The following GFRA1 variants were observed in gnomAD, a reference collection of about 807,000 sequenced individuals.
GFRA1 encodes the protein GDNF family receptor alpha 1, also known as GDNF family receptor alpha-1.
A neutral mutation model predicts 51.6 loss-of-function variants in GFRA1; 16 were observed. That is an observed-to-expected ratio of 0.31 (90% CI 0.21 to 0.47). The LOEUF (loss-of-function observed/expected upper bound fraction) is 0.47, where lower values mean the gene tolerates loss of function less well. Ranked by LOEUF, GFRA1 falls within the 20% of genes least tolerant of loss-of-function variation. GFRA1 has a pLI of 1.00. For synonymous variants in GFRA1, 270 were observed against 241.3 expected, an observed-to-expected ratio of 1.12 and a Z score of -1.10; for missense variants, 530 against 594.3, an observed-to-expected ratio of 0.89 and a Z score of 1.13.
intron 9 of GFRA1, among the ~76,000 whole-genome samples, chr10:116,073,440 T>C (rs1955489629): frequency 6.6e-6 from 1 of 152,198 alleles, no homozygotes; most frequent in Admixed American, 6.5e-5. Context: ...ATTAGCAAAA[T>C]ATTCAGACAA....
intron 4 of GFRA1, among the ~76,000 whole-genome samples, chr10:116,216,754 G>A (rs1012800252): frequency 6.6e-6 from 1 of 152,150 alleles, no homozygotes; most frequent in Non-Finnish European, 1.5e-5. Context: ...TTGAGCTACA[G>A]AAAGAAAATT....
chr10:116,100,971 A>G (rs1024520034), intron 6 of GFRA1, among the ~76,000 whole-genome samples: 2 of 152,150 alleles, frequency 1.3e-5, no homozygotes, highest in Non-Finnish European at 2.9e-5. Flanking sequence ...ATGGGGGAGG[A>G]CAGGTTTACC....
chr10:116,207,585 T>TA (rs1964876233), intron 5 of GFRA1, among the ~76,000 whole-genome samples: 1 of 151,892 alleles, frequency 6.6e-6, no homozygotes, highest in Admixed American at 6.6e-5. Context: ...CTCTGCATCG[T>TA]ACTCAGCTGA....
At chr10:116,087,279 AG>A (rs5788132) in intron 9 of GFRA1, among the ~76,000 whole-genome samples, 152,157 of 152,158 alleles carry the variant, frequency 1, 76,078 homozygotes, top group Middle Eastern at 1. Flanking sequence ...CGGGGGGCGG[AG>A]GGACAGGGGG....
At chr10:116,206,938 C>T (rs1964823780) in intron 5 of GFRA1, among the ~76,000 whole-genome samples, 1 of 152,142 alleles carries the variant, frequency 6.6e-6, no homozygotes, top group East Asian at 1.9e-4. Flanking sequence ...GGCCTGAAAC[C>T]ACATTCTTTT....
rs3032041 is a variant in GFRA1, at chr10:116,251,963, C to CTTTTTTTTTT, written c.418+17530_418+17539dup. On this transcript the variant is annotated intron_variant, in intron 4 of 10. Coordinates refer to ENST00000355422, the MANE Select transcript of GFRA1 (RefSeq NM_005264.8). Reference sequence around the variant, plus strand: ...AGAGGACACAGACAACAATAGGCCTCTTTTTTTTTTTTTTTTTTTTTTTTT... The same window carrying CTTTTTTTTTT: ...AGAGGACACAGACAACAATAGGCCTCTTTTTTTTTTTTTTTTTTTTTTTTTTTTTTTTTTT... Among the ~76,000 whole-genome samples the CTTTTTTTTTT allele has an allele frequency of 1.4e-4, 11 of 79,800 alleles. 1 individual carries two copies. Among genetic ancestry groups the CTTTTTTTTTT allele is most frequent in the Non-Finnish European group, 2.3e-4 (10 of 43,116 alleles). 52.4% of individuals were successfully genotyped at this position (79,800 alleles called of 152,430 possible). A position where few individuals can be genotyped will look rare whatever the true frequency, so the allele number is the denominator to read the frequency against.
chr10:116,196,638 AC>A (rs1963839457), intron 5 of GFRA1, among the ~76,000 whole-genome samples: 2 of 10,646 alleles, frequency 1.9e-4, no homozygotes, highest in Admixed American at 5.7e-3. Context: ...AATATATAGT[AC>A]TATATATAAT....
rs1954804912 is a variant in GFRA1 at position 116,061,284 on chromosome 10, C to G, written c.*3114G>C. 6.7e-6 allele frequency: 1 copy of G among 150,320 alleles called. No individual in the cohort carries two copies. Among genetic ancestry groups the G allele is most frequent in the African/African-American group, 2.5e-5 (1 of 40,776 alleles). 9.3% of individuals were successfully genotyped at this position (150,320 alleles called of 1,614,324 possible). On this transcript the variant is annotated 3_prime_UTR_variant, in exon 11 of 11. Transcript: ENST00000355422. ...AAAGAAATGGAAACCACACTCCTATCACATTCTAGATCGTTTGCTATACTT... is the reference window on the plus strand; with the variant it reads ...AAAGAAATGGAAACCACACTCCTATGACATTCTAGATCGTTTGCTATACTT...
chr10:116,196,611 CTA>C (rs1327808700), intron 5 of GFRA1, among the ~76,000 whole-genome samples: 5 of 20,672 alleles, frequency 2.4e-4, no homozygotes, highest in African/African-American at 4.9e-4. Context: ...ATATATAGTA[CTA>C]TATATAATAT....
At chr10:116,096,236 G>A (rs991964830) in intron 7 of GFRA1, among the ~76,000 whole-genome samples, 3 of 152,124 alleles carry the variant, frequency 2.0e-5, no homozygotes, top group African/African-American at 7.2e-5. Context: ...TTTCTGGGAA[G>A]CAGCCTTTTT....
chr10:116,260,286 G>A (rs920956796), intron 4 of GFRA1, among the ~76,000 whole-genome samples: 28 of 152,168 alleles, frequency 1.8e-4, no homozygotes, highest in African/African-American at 6.5e-4. Flanking sequence ...ACTGAAACAC[G>A]TGTCAAGGAA....
At chr10:116,262,374 T>C (rs1431156710) in intron 4 of GFRA1, among the ~76,000 whole-genome samples, 1 of 152,226 alleles carries the variant, frequency 6.6e-6, no homozygotes, top group Non-Finnish European at 1.5e-5. Flanking sequence ...CTTCTTGAGG[T>C]TGACATTTAA....
rs114457053 is a variant in GFRA1, at chr10:116,161,707, G to T, written c.434-36150C>A. On this transcript the variant is annotated intron_variant, in intron 5 of 10. Transcript: ENST00000355422. ...TCTCTTGCTTGCCGCCATGGAAGAC[G>T]TCCCTTTGTTCTTCCTTCATCTGCC... Among the ~76,000 whole-genome samples, 1,054 of 152,270 alleles carry T rather than the reference G, an allele frequency of 6.9e-3. 19 individuals are homozygous for T. Among genetic ancestry groups the T allele is most frequent in the African/African-American group, 0.024 (995 of 41,548 alleles).
rs150379582 is a variant in GFRA1 at position 116,256,676 on chromosome 10, G to C, written c.418+12827C>G. Among the ~76,000 whole-genome samples, 398 of 152,198 alleles carry C rather than the reference G, an allele frequency of 2.6e-3. 1 individual carries two copies. Among genetic ancestry groups the C allele is most frequent in the African/African-American group, 9.0e-3 (375 of 41,540 alleles). On this transcript the variant is annotated intron_variant, in intron 4 of 10. Transcript: ENST00000355422. Reference sequence around the variant, plus strand: ...CAATTAACACAACTCCCTTCATTTAGAACACTTGAGTTTTCATTGAGACAT... The same window carrying C: ...CAATTAACACAACTCCCTTCATTTACAACACTTGAGTTTTCATTGAGACAT...
intron 5 of GFRA1, among the ~76,000 whole-genome samples, chr10:116,173,223 G>C (rs2134236796): frequency 6.6e-6 from 1 of 152,260 alleles, no homozygotes; most frequent in East Asian, 1.9e-4. Context: ...TGGAGACTGG[G>C]CACACCTCAG....
rs3837364 is a variant in GFRA1 at position 116,135,996 on chromosome 10, C to CT, written c.434-10440dup. On this transcript the variant is annotated intron_variant, in intron 5 of 10. Transcript: ENST00000355422. ...TAGTACTGGCTCTCAGTTATGGATA[C>CT]TTTTTTTCCCCCCAATCTCAGATAA... is the stretch of plus-strand genomic sequence containing the variant. Among the ~76,000 whole-genome samples, 5 of 151,998 alleles carry CT rather than the reference C, an allele frequency of 3.3e-5. No individual in the cohort carries two copies. The South Asian group carries it at 1.0e-3, about 32-fold the overall frequency.
intron 5 of GFRA1, among the ~76,000 whole-genome samples, chr10:116,194,194 CCT>C (rs375240632): frequency 2.0e-5 from 3 of 152,048 alleles, no homozygotes; most frequent in African/African-American, 4.8e-5. Context: ...CTAAATATCC[CCT>C]GAGTTTGTTT....
chr10:116,240,359 C>T (rs1045088388), intron 4 of GFRA1, among the ~76,000 whole-genome samples: 10 of 152,120 alleles, frequency 6.6e-5, no homozygotes, highest in African/African-American at 1.7e-4. Context: ...GCTCAGCTGG[C>T]GCTCCACCCA....
intron 4 of GFRA1, among the ~76,000 whole-genome samples, chr10:116,227,366 G>C (rs1966373474): frequency 6.6e-6 from 1 of 152,218 alleles, no homozygotes; most frequent in Non-Finnish European, 1.5e-5. Flanking sequence ...TTGGAGCTAA[G>C]AAAGAAGTGG....
Sources: allele counts gnomAD v4.1 joint callset (sites outside exome capture counted in the v4.1 genomes callset), GRCh38; gene constraint gnomAD v4.1.1; transcripts MANE v1.5; gene names NCBI Gene and HGNC (gene_info 2026-07-23, HGNC 2026-07-21).